The following APP variants were observed in gnomAD, a reference collection of about 807,000 sequenced individuals.
The protein encoded by APP is amyloid-beta precursor protein.
APP carries 31 observed loss-of-function variants against 101.4 expected under a neutral mutation model. That is an observed-to-expected ratio of 0.31 (90% CI 0.23 to 0.41). The LOEUF is 0.41. APP is among the 10% of genes least tolerant of loss of function. The pLI, the probability that APP is intolerant of heterozygous loss-of-function variation, is 1.00. For missense variants in APP, 839 were observed against 1,003.7 expected (o/e 0.84, Z 2.22); for synonymous variants, 366 against 364.4 (o/e 1.00, Z -0.05).
intron 1 of APP, among the ~76,000 whole-genome samples, chr21:26,122,725 T>G (rs956676305): frequency 1.8e-4 from 28 of 152,034 alleles, no homozygotes; most frequent in African/African-American, 6.3e-4. Flanking sequence ...AATAAAATTT[T>G]TTATTAGAAG....
chr21:25,944,141 C>A (rs2040703432), intron 13 of APP, among the ~76,000 whole-genome samples: 1 of 152,154 alleles, frequency 6.6e-6, no homozygotes, highest in Non-Finnish European at 1.5e-5. Flanking sequence ...CTTTTAGGAG[C>A]ATATGTAAAT....
chr21:26,043,038 T>A (rs933077251), intron 5 of APP, among the ~76,000 whole-genome samples: 8 of 152,106 alleles, frequency 5.3e-5, no homozygotes, highest in African/African-American at 1.9e-4. Context: ...AGATACAGTT[T>A]GTTTTTGAGT....
Position 25,884,793 on chromosome 21 carries a change from C to T in APP, c.2212-3022G>A, listed in dbSNP as rs60952035. On this transcript the variant is annotated intron_variant, in intron 17 of 17. Transcript: ENST00000346798. The stretch of plus-strand genomic sequence containing the variant: ...GCTGCTTGATTGTTGGAATATTATA[C>T]TTTTATTTCTTCCAGGAGGCACATC... Among the ~76,000 whole-genome samples the T allele has an allele frequency of 5.2e-3, 798 of 152,320 alleles. 11 individuals are homozygous for T. Among genetic ancestry groups the T allele is most frequent in the African/African-American group, 0.018 (746 of 41,566 alleles).
intron 1 of APP, among the ~76,000 whole-genome samples, chr21:26,159,878 C>A (rs1330573641): frequency 6.6e-6 from 1 of 152,170 alleles, no homozygotes; most frequent in Non-Finnish European, 1.5e-5. Flanking sequence ...ACCTTTGAGT[C>A]TAGCTCACAA....
chr21:25,898,117 C>T (rs536609227), intron 15 of APP: 1 of 180,528 alleles, frequency 5.5e-6, no homozygotes, highest in Non-Finnish European at 1.2e-5. Context: ...CCTGGTAGAA[C>T]AAAACTGCTA....
intron 2 of APP, among the ~76,000 whole-genome samples, chr21:26,092,432 T>C (rs2061844420): frequency 6.6e-6 from 1 of 152,198 alleles, no homozygotes; most frequent in South Asian, 2.1e-4. Flanking sequence ...CTCCATACTA[T>C]ATGACATTCT....
At chr21:25,908,515 GACTA>G (rs781451113) in intron 14 of APP, among the ~76,000 whole-genome samples, 32 of 152,230 alleles carry the variant, frequency 2.1e-4, no homozygotes, top group Non-Finnish European at 4.3e-4. Context: ...TACAAAGAAA[GACTA>G]ACAAGTTTCT....
At chr21:26,017,442 A>G (rs2044147504) in intron 6 of APP, among the ~76,000 whole-genome samples, 1 of 150,588 alleles carries the variant, frequency 6.6e-6, no homozygotes, top group Non-Finnish European at 1.5e-5. Context: ...AAATTACATT[A>G]AAGGGCAAGA....
At chr21:25,949,148 T>C (rs1028145643) in intron 13 of APP, among the ~76,000 whole-genome samples, 24 of 152,044 alleles carry the variant, frequency 1.6e-4, no homozygotes, top group Admixed American at 1.6e-3. Flanking sequence ...CACATAATAA[T>C]TAAAATTGAA....
chr21:26,115,866 C>T lies in APP; in HGVS notation c.58-3720G>A, dbSNP rs182674058. Among the ~76,000 whole-genome samples the T allele has an allele frequency of 2.6e-5, 4 of 152,130 alleles. No homozygotes were observed. The East Asian group carries it at 7.7e-4, about 29-fold the overall frequency. ...TTCTAAAAGAAAAGAAATATAAATA[C>T]CTTAGTAGATGGGAAATATAACCAC... is the stretch of plus-strand genomic sequence containing the variant. On this transcript the variant is annotated intron_variant, in intron 1 of 17. Coordinates refer to ENST00000346798, the MANE Select transcript of APP (RefSeq NM_000484.4).
intron 3 of APP, among the ~76,000 whole-genome samples, chr21:26,061,939 G>C (rs2046279901): frequency 6.6e-6 from 1 of 152,144 alleles, no homozygotes; most frequent in African/African-American, 2.4e-5. Flanking sequence ...GTGCTGGCCG[G>C]GAGTGGTGGC....
intron 13 of APP, among the ~76,000 whole-genome samples, chr21:25,927,004 A>C (rs2039929526): frequency 1.3e-4 from 1 of 7,718 alleles, no homozygotes; most frequent in Non-Finnish European, 6.9e-4. Flanking sequence ...CTCCGTCTCA[A>C]AAAAAAAAAA....
At chr21:25,905,176 C>T in intron 14 of APP, 99 bp from the exon 15 acceptor site, 1 of 1,004,672 alleles carries the variant, frequency 1.0e-6, no homozygotes, top group Non-Finnish European at 1.6e-6. Flanking sequence ...AAAGCATATG[C>T]AATAAACAAG....
chr21:25,986,154 C>CAAGGTGAGGGTACTTCCTTTTGGG (rs1310491182), intron 8 of APP, among the ~76,000 whole-genome samples: 1 of 152,130 alleles, frequency 6.6e-6, no homozygotes, highest in Non-Finnish European at 1.5e-5. Context: ...CCTCACCCAT[C>CAAGGTGAGGGTACTTCCTTTTGGG]AAGGTACTTC....
At chr21:26,110,276 C>T (rs574802471) in intron 2 of APP, among the ~76,000 whole-genome samples, 1 of 152,220 alleles carries the variant, frequency 6.6e-6, no homozygotes, top group African/African-American at 2.4e-5. Flanking sequence ...AACCCTGTCT[C>T]TACTAAAAAT....
chr21:25,927,846 G>T (rs1021518817), intron 13 of APP, among the ~76,000 whole-genome samples: 2 of 152,148 alleles, frequency 1.3e-5, no homozygotes, highest in African/African-American at 4.8e-5. Context: ...AAACATCATA[G>T]ATCAAAGAAC....
intron 9 of APP, among the ~76,000 whole-genome samples, 157 bp downstream of exon 9, chr21:25,982,187 A>T (rs1359432321): frequency 6.6e-6 from 1 of 152,242 alleles, no homozygotes; most frequent in Non-Finnish European, 1.5e-5. Context: ...GGATGCAAAA[A>T]ACCCACAAAC....
intron 2 of APP, among the ~76,000 whole-genome samples, chr21:26,097,581 A>C (rs1269747026): frequency 2.0e-5 from 3 of 152,188 alleles, no homozygotes; most frequent in African/African-American, 7.2e-5. Context: ...AGCTTATACA[A>C]ATCATAGCAT....
chr21:25,996,993 G>C (rs985401456), intron 8 of APP, among the ~76,000 whole-genome samples: 4 of 152,224 alleles, frequency 2.6e-5, no homozygotes, highest in African/African-American at 9.7e-5. Flanking sequence ...TTGTTCTTCA[G>C]TTCTGCAAAA....
Sources: gnomAD v4.1 joint callset for allele counts (sites outside exome capture counted in the v4.1 genomes callset) on GRCh38, gnomAD v4.1.1 for gene constraint, MANE v1.5 for transcripts, NCBI Gene and HGNC (gene_info 2026-07-23, HGNC 2026-07-21) for gene names.